ELMO1: variants seen among roughly 807,000 people sequenced by gnomAD.
The protein encoded by ELMO1 is engulfment and cell motility protein 1.
ELMO1 carries 26 observed loss-of-function variants against 98.9 expected under a neutral mutation model. That is an observed-to-expected ratio of 0.26 (90% CI 0.19 to 0.36). The LOEUF (loss-of-function observed/expected upper bound fraction) is 0.36, where lower values mean the gene tolerates loss of function less well. Ranked by LOEUF, ELMO1 falls within the 10% of genes least tolerant of loss-of-function variation. The pLI, the probability that ELMO1 is intolerant of heterozygous loss-of-function variation, is 1.00. For missense variants in ELMO1, 627 were observed against 935.2 expected (o/e 0.67, Z 4.30); for synonymous variants, 346 against 346.0 (o/e 1.00, Z 0.00).
chr7:37,117,101 A>G, intron 14 of ELMO1: 1 of 205,070 alleles, frequency 4.9e-6, no homozygotes, highest in Non-Finnish European at 1.0e-5. Context: ...AAACACTGAG[A>G]CTTTGGGGCT....
chr7:36,978,725 T>C lies in ELMO1; in HGVS notation c.1437+34574A>G, dbSNP rs560975036. ...GCATCTCCCTAGAAGCACAATATCA[T>C]TTGATGTTGACTGGCTTCCAAAACC... On this transcript the variant is annotated intron_variant, in intron 16 of 21. Transcript: ENST00000310758. 8.5e-5 allele frequency among the ~76,000 whole-genome samples: 13 copies of C among 152,344 alleles called. No homozygotes were observed. In the East Asian group the frequency reaches 2.5e-3, roughly 29 times the overall value.
intron 16 of ELMO1, among the ~76,000 whole-genome samples, chr7:36,902,281 C>T (rs907408802): frequency 2.6e-5 from 4 of 152,196 alleles, no homozygotes; most frequent in African/African-American, 4.8e-5. Context: ...GTGGTCTAAT[C>T]GTGGCATCCA....
chr7:37,008,311 T>A (rs1424299), intron 16 of ELMO1, among the ~76,000 whole-genome samples: 40,869 of 152,156 alleles, frequency 0.27, 6,948 homozygotes, highest in African/African-American at 0.49. Context: ...GGACCTGCTG[T>A]TTTTTAGGTT....
intron 6 of ELMO1, among the ~76,000 whole-genome samples, chr7:37,248,762 C>T (rs116016075): frequency 0.045 from 6,831 of 152,292 alleles, 356 homozygotes; most frequent in African/African-American, 0.12. Flanking sequence ...TGCAAGGCAG[C>T]AAGTAGATGA....
At chr7:37,028,740 A>C (rs1584536348) in intron 15 of ELMO1, among the ~76,000 whole-genome samples, 1 of 152,016 alleles carries the variant, frequency 6.6e-6, no homozygotes, top group South Asian at 2.1e-4. Context: ...GTGCCACTAC[A>C]CCTAGCCGAT....
At chr7:37,211,287 G>T (rs761172526) in intron 13 of ELMO1, 99 bp downstream of exon 13, 2 of 1,548,064 alleles carry the variant, frequency 1.3e-6, no homozygotes, top group East Asian at 4.5e-5. Context: ...TCCGTAAAGC[G>T]CAAGAGGACC....
chr7:37,330,584 T>C lies in ELMO1; in HGVS notation c.78+12029A>G, dbSNP rs182392551. ...ATCAATCAGAATATGTTTCTCTTCA[T>C]ATCTTCCACCCCCAAATTTTATGCC... On this transcript the variant is annotated intron_variant, in intron 2 of 21. Coordinates refer to ENST00000310758, the MANE Select transcript of ELMO1 (RefSeq NM_014800.11). Among the ~76,000 whole-genome samples the C allele has an allele frequency of 3.3e-5, 5 of 152,334 alleles. No individual in the cohort carries two copies. In the East Asian group the frequency reaches 9.6e-4, roughly 29 times the overall value.
intron 16 of ELMO1, among the ~76,000 whole-genome samples, chr7:36,933,941 C>A (rs1402157301): frequency 6.6e-6 from 1 of 152,180 alleles, no homozygotes; most frequent in Non-Finnish European, 1.5e-5. Flanking sequence ...TACTGAGTTT[C>A]CGCTAAGCCT....
intron 13 of ELMO1, among the ~76,000 whole-genome samples, chr7:37,149,340 G>A (rs1482568607): frequency 6.6e-6 from 1 of 152,172 alleles, no homozygotes; most frequent in Non-Finnish European, 1.5e-5. Context: ...TGCAATTGTG[G>A]GGGTAGGAGC....
chr7:37,336,163 T>C (rs762240128), intron 2 of ELMO1, among the ~76,000 whole-genome samples: 2 of 151,840 alleles, frequency 1.3e-5, no homozygotes, highest in Non-Finnish European at 2.9e-5. Flanking sequence ...GAATTAGAGG[T>C]TGCAGTGAGC....
At chr7:37,096,478 C>T in intron 15 of ELMO1, 141 bp downstream of exon 15, 1 of 658,818 alleles carries the variant, frequency 1.5e-6, no homozygotes, top group South Asian at 1.9e-5. Flanking sequence ...TAAACCTGAG[C>T]CAAATAATAA....
At chr7:36,915,062 AG>A (rs1241011359) in intron 16 of ELMO1, among the ~76,000 whole-genome samples, 1 of 152,138 alleles carries the variant, frequency 6.6e-6, no homozygotes. Context: ...GAAGCAATCC[AG>A]GTGTGCACCA....
chr7:36,965,701 A>T (rs1789363768), intron 16 of ELMO1, among the ~76,000 whole-genome samples: 1 of 152,182 alleles, frequency 6.6e-6, no homozygotes, highest in African/African-American at 2.4e-5. Context: ...ACCTAATCCC[A>T]ATCATTACAT....
At chr7:36,959,998 C>T (rs1431121849) in intron 16 of ELMO1, among the ~76,000 whole-genome samples, 1 of 152,178 alleles carries the variant, frequency 6.6e-6, no homozygotes, top group African/African-American at 2.4e-5. Flanking sequence ...CCAGAGTTGA[C>T]ATTCACACCC....
chr7:36,971,155 A>T (rs1474366923), intron 16 of ELMO1, among the ~76,000 whole-genome samples: 1 of 152,246 alleles, frequency 6.6e-6, no homozygotes, highest in Non-Finnish European at 1.5e-5. Flanking sequence ...CAAAGAACGA[A>T]AGGTCTAGAA....
intron 13 of ELMO1, among the ~76,000 whole-genome samples, chr7:37,182,401 A>G (rs1452774074): frequency 6.6e-6 from 1 of 151,600 alleles, no homozygotes; most frequent in Non-Finnish European, 1.5e-5. Context: ...CTCAGCACAT[A>G]TAAGGTGGAA....
At chr7:37,047,669 C>A (rs973827330) in intron 15 of ELMO1, among the ~76,000 whole-genome samples, 2 of 152,148 alleles carry the variant, frequency 1.3e-5, no homozygotes, top group African/African-American at 4.8e-5. Flanking sequence ...TCACTACAAA[C>A]GTGTCTGAAT....
At chr7:36,985,044 C>T in intron 16 of ELMO1, 1 of 985,338 alleles carries the variant, frequency 1.0e-6, no homozygotes, top group Non-Finnish European at 1.2e-6. Context: ...TTTCTCGTTC[C>T]CCACGCTGCC....
chr7:37,159,588 T>TG (rs1789053648), intron 13 of ELMO1, among the ~76,000 whole-genome samples: 2 of 152,054 alleles, frequency 1.3e-5, no homozygotes, highest in Non-Finnish European at 2.9e-5. Flanking sequence ...TAGTCCCAGC[T>TG]ACTGGGGAGG....
Sources: allele counts gnomAD v4.1 joint callset (sites outside exome capture counted in the v4.1 genomes callset), GRCh38; gene constraint gnomAD v4.1.1; transcripts MANE v1.5; gene names NCBI Gene and HGNC (gene_info 2026-07-23, HGNC 2026-07-21).